The following PKP3 variants were observed in gnomAD, a reference collection of about 807,000 sequenced individuals.
PKP3 encodes the protein plakophilin-3.
In PKP3, 66 loss-of-function variants were observed where a neutral mutation model predicts 76.5. The ratio of observed to expected loss-of-function variants is 0.86; its 90% confidence interval spans 0.71 to 1.06. The LOEUF is 1.06. PKP3 is among the 50% of genes least tolerant of loss of function. The pLI is 0.00. For synonymous variants in PKP3, 638 were observed against 516.5 expected, an observed-to-expected ratio of 1.24 and a Z score of -3.19; for missense variants, 1,338 against 1,141.0, an observed-to-expected ratio of 1.17 and a Z score of -2.49.
intron 1 of PKP3, 132 bp from the exon 2 acceptor site, chr11:396,476 C>G (rs1173975454): frequency 1.6e-6 from 1 of 612,236 alleles, no homozygotes; most frequent in Non-Finnish European, 2.8e-6. Flanking sequence ...GCCCTGGTGC[C>G]CCCCTGGCCT....
At chr11:393,051 C>G (rs1846995834), upstream of PKP3, among the ~76,000 whole-genome samples, 1 of 152,000 alleles carries the variant, frequency 6.6e-6, no homozygotes. Flanking sequence ...GAGAGAAGCC[C>G]AGAGGTTGTC....
chr11:400,101 T>C lies in PKP3; in HGVS notation c.1408T>C (p.Ser470Pro). Residue 470 changes from serine (S) to proline (P), a missense_variant, in exon 6 of 13, where the codon TCG becomes CCG. Coordinates refer to ENST00000331563, the MANE Select transcript of PKP3 (RefSeq NM_007183.4). ...TCCCCCCCTCATCCAGCAGAACGCC[T>C]CGGAGGCAGAGATCTTCTACAACGC... Reference protein sequence around the residue: ...GGPPLIQQNASEAEIFYNATG... With the variant: ...GGPPLIQQNAPEAEIFYNATG... The C allele has an allele frequency of 1.9e-6, 3 of 1,587,160 alleles. No homozygotes were observed. The highest frequency in any genetic ancestry group is 2.6e-6 in the Non-Finnish European group (3 of 1,170,788).
chr11:394,375 T>G lies in PKP3; in HGVS notation c.83T>G (p.Leu28Arg). The change falls in exon 1 of 13, where the codon CTG becomes CGG. Residue 28 changes from leucine (L) to arginine (R), a missense_variant. Physicochemically the swap from Leu to Arg is moderately radical, Grantham distance 102 (BLOSUM62 -2). Coordinates refer to ENST00000331563, the MANE Select transcript of PKP3 (RefSeq NM_007183.4). ...CSLALPSDLQ[L>R]DRRGAEGPEA... ...CTGGCGCTGCCCTCTGACCTGCAGC[T>G]GGACCGCCGGGGCGCCGAGGGGCCG... is the stretch of plus-strand genomic sequence containing the variant. The G allele has an allele frequency of 6.7e-7, 1 of 1,498,814 alleles. No homozygotes were observed. Among genetic ancestry groups the G allele is most frequent in the Non-Finnish European group, 8.8e-7 (1 of 1,131,838 alleles). 92.8% of individuals were successfully genotyped at this position (1,498,814 alleles called of 1,614,324 possible).
chr11:400,512 C>G (rs1847135132), intron 7 of PKP3, 23 bp from the exon 8 acceptor site: 4 of 1,493,672 alleles, frequency 2.7e-6, no homozygotes, highest in Non-Finnish European at 3.5e-6. Context: ...ACCCGCGCCC[C>G]TGCCCCGCGC....
At position 396,597 on chromosome 11, in the gene PKP3, C is replaced by T. The variant is rs201306937; in HGVS notation, c.233-11C>T. The T allele has an allele frequency of 5.7e-6, 9 of 1,589,668 alleles. No individual in the cohort carries two copies. In the African/African-American group the frequency reaches 1.1e-4, roughly 19 times the overall value. On this transcript the variant is annotated splice_polypyrimidine_tract_variant and intron_variant, in intron 1 of 12. Transcript: ENST00000331563. ...GTGGCAGAGCTGGGCTACCACCGTC[C>T]CTCTCCACAGGCACATCCAGGGGGC...
Position 399,210 on chromosome 11 carries a change from C to T in PKP3, c.1273+14C>T. On this transcript the variant is annotated intron_variant, in intron 5 of 12. Coordinates refer to ENST00000331563, the MANE Select transcript of PKP3 (RefSeq NM_007183.4). Reference sequence around the variant, plus strand: ...AAAATGTCACAGGTGCTGCCTGTCCCCTCCTCCACCTGTCCTTCCTCCACC... The same window carrying T: ...AAAATGTCACAGGTGCTGCCTGTCCTCTCCTCCACCTGTCCTTCCTCCACC... 6.5e-7 allele frequency: 1 copy of T among 1,527,062 alleles called. No homozygotes were observed. Among genetic ancestry groups the T allele is most frequent in the East Asian group, 2.5e-5 (1 of 40,122 alleles). The allele number at this position is 1,527,062 out of a possible 1,614,324, so 94.6% of individuals were successfully genotyped here.
chr11:404,356 C>T lies in PKP3; in HGVS notation c.2358+33C>T. 1 of 1,582,986 alleles carries T rather than the reference C, an allele frequency of 6.3e-7. No homozygotes were observed. The highest frequency in any genetic ancestry group is 8.7e-7 in the Non-Finnish European group (1 of 1,152,932). On this transcript the variant is annotated intron_variant, in intron 12 of 12. Coordinates refer to ENST00000331563, the MANE Select transcript of PKP3 (RefSeq NM_007183.4). This position sits in a 1 kb window ranked among gnomAD's most constrained non-coding sequence, Gnocchi z 4.2. ...TCCCGAGCCCAGGGCAAGCAGGGAC[C>T]CGGGTGCAGGGCATGGGACGCCGGG... is the stretch of plus-strand genomic sequence containing the variant.
rs963087929 is a variant in PKP3 at position 403,894 on chromosome 11, CCCAGGTGG to C, written c.2078-43_2078-36del. On this transcript the variant is annotated intron_variant, in intron 10 of 12. Transcript: ENST00000331563. ...TGGGGGAGGCAGGGGACCCCAGGTG[CCCAGGTGG>C]CCAGGAGTAGGGGTGCAGACTGACC... 5 of 1,563,162 alleles carry C rather than the reference CCCAGGTGG, an allele frequency of 3.2e-6. No individual in the cohort carries two copies. In the African/African-American group the frequency reaches 4.1e-5, roughly 13 times the overall value.
Position 404,154 on chromosome 11 carries a change from G to C in PKP3, c.2270+19G>C, listed in dbSNP as rs57792731. ...GGGACAGGTAGGGGCCGACCCAGCC[G>C]TGCAGCAGCCTGGTCAGGGGTCCTC... On this transcript the variant is annotated intron_variant, in intron 11 of 12. Transcript: ENST00000331563. The surrounding 1 kb of genome is among the most constrained non-coding windows in gnomAD (Gnocchi z 4.2). 3.7e-6 allele frequency: 6 copies of C among 1,608,210 alleles called. No homozygotes were observed. The Admixed American group carries it at 1.0e-4, about 27-fold the overall frequency.
chr11:397,035 A>T lies in PKP3; in HGVS notation c.534A>T (p.Thr178=), dbSNP rs1475690607. The T allele has an allele frequency of 6.3e-7, 1 of 1,598,378 alleles. No homozygotes were observed. Among genetic ancestry groups the T allele is most frequent in the East Asian group, 2.2e-5 (1 of 44,802 alleles). The change falls in exon 3 of 13, where the codon ACA becomes ACT. Residue 178 remains threonine, a synonymous_variant. Coordinates refer to ENST00000331563, the MANE Select transcript of PKP3 (RefSeq NM_007183.4). ...GGVGSRADYD[T]LSLRSLRLGP... is the part of the protein sequence containing the mutation. ...TTGGGAGCCGGGCCGACTATGACAC[A>T]CTCTCCCTGCGCTCGCTGCGGCTGG...
chr11:398,861 C>T, intron 4 of PKP3, 131 bp from the exon 5 acceptor site: 2 of 749,586 alleles, frequency 2.7e-6, no homozygotes, highest in South Asian at 1.8e-5. Context: ...CCGCACACAC[C>T]TCCGTCACCT....
rs1037602280 is a variant in PKP3 at position 404,528 on chromosome 11, C to A, written c.2359-6C>A. Reference sequence around the variant, plus strand: ...CACCCTGACCTTGGGCCTCTCTCCACTGTAGAAGGGCTATCGGAAGGAGGA... The same window carrying A: ...CACCCTGACCTTGGGCCTCTCTCCAATGTAGAAGGGCTATCGGAAGGAGGA... On this transcript the variant is annotated splice_region_variant and splice_polypyrimidine_tract_variant and intron_variant, in intron 12 of 12. Coordinates refer to ENST00000331563, the MANE Select transcript of PKP3 (RefSeq NM_007183.4). This position sits in a 1 kb window ranked among gnomAD's most constrained non-coding sequence, Gnocchi z 4.2. 2 of 1,612,330 alleles carry A rather than the reference C, an allele frequency of 1.2e-6. No homozygotes were observed. Among genetic ancestry groups the A allele is most frequent in the Non-Finnish European group, 1.7e-6 (2 of 1,179,688 alleles).
Position 403,176 on chromosome 11 carries a change from C to T in PKP3, c.1836C>T (p.Asn612=). 1.9e-6 allele frequency: 3 copies of T among 1,588,180 alleles called. No homozygotes were observed. The highest frequency in any genetic ancestry group is 2.6e-6 in the Non-Finnish European group (3 of 1,169,186). The part of the protein sequence containing the change: ...LWSPQIVGLY[N]RLLQRCELNR... ...GCCCCCAGATCGTGGGGCTGTACAA[C>T]CGGCTGCTGCAGCGCTGCGAGCTCA... The change falls in exon 9 of 13, where the codon AAC becomes AAT. Residue 612 remains asparagine, a synonymous_variant. Coordinates refer to ENST00000331563, the MANE Select transcript of PKP3 (RefSeq NM_007183.4).
At chr11:403,865 T>A in intron 10 of PKP3, 78 bp from the exon 11 acceptor site, 1 of 1,569,524 alleles carries the variant, frequency 6.4e-7, no homozygotes, top group Non-Finnish European at 8.7e-7. Flanking sequence ...CCAGTCCAGC[T>A]CCCTGGGGGA....
At chr11:393,251 A>G (rs1826290228), upstream of PKP3, among the ~76,000 whole-genome samples, 1 of 120,066 alleles carries the variant, frequency 8.3e-6, no homozygotes, top group Non-Finnish European at 1.9e-5. Flanking sequence ...CCCCACCCCC[A>G]CCAGGGGCCC....
chr11:392,849 C>A (rs1362792629), upstream of PKP3: 3 of 418,110 alleles, frequency 7.2e-6, no homozygotes, highest in East Asian at 1.4e-4. Flanking sequence ...AGCTTCCTCC[C>A]CTCAGAACTG....
In PKP3 at chr11:403,258, C is replaced by T. The variant is rs745631050; in HGVS notation, c.1918C>T (p.Arg640Cys). ...GCTGCAGAACATCACGGCAGGCGAC[C>T]GCAGGGTGGGGCACCCAACCCAGAC... ...GALQNITAGD[R>C]RWAGVLSRLA... The change falls in exon 9 of 13, where the codon CGC (arginine) becomes TGC (cysteine). Residue 640 changes from arginine to cysteine, a missense_variant. Physicochemically the swap from Arg to Cys is radical, Grantham distance 180. Transcript: ENST00000331563. The T allele has an allele frequency of 1.3e-5, 21 of 1,574,886 alleles. No individual in the cohort carries two copies. The highest frequency in any genetic ancestry group is 1.3e-4 in the Admixed American group (7 of 54,924).
At position 396,684 on chromosome 11, in the gene PKP3, C is replaced by T; in HGVS notation, c.309C>T (p.Thr103=). The change falls in exon 2 of 13, where the codon ACC becomes ACT. Residue 103 remains threonine (T), a synonymous_variant. Transcript: ENST00000331563. ...SRSQGLSGDK[T]SGFRPIAKPA... is the part of the protein sequence containing the mutation. ...CTCAGGGCCTGAGTGGGGACAAGAC[C>T]TCGGTGAGCGATGGGCCCAGCCCGA... 6.2e-7 allele frequency: 1 copy of T among 1,610,216 alleles called. No homozygotes were observed.
At chr11:394,099 C>T (rs1191130940), upstream of PKP3, 6 of 781,862 alleles carry the variant, frequency 7.7e-6, no homozygotes, top group Admixed American at 8.4e-5. Context: ...AAGCAGGCGG[C>T]GGCCCCTCCC....
Sources: gnomAD v4.1 joint callset for allele counts (sites outside exome capture counted in the v4.1 genomes callset) on GRCh38, gnomAD v4.1.1 for gene constraint, Gnocchi (gnomAD v3.1) non-coding constraint, MANE v1.5 for transcripts, NCBI Gene and HGNC (gene_info 2026-07-23, HGNC 2026-07-21) for gene names.